APBB2: variants seen among roughly 807,000 people sequenced by gnomAD.
APBB2 encodes the protein amyloid beta precursor protein binding family B member 2, also known as Fe65-like 1.
In APBB2, 38 loss-of-function variants were observed where a neutral mutation model predicts 82.5. The observed-to-expected ratio is 0.46, with a 90% CI of 0.36 to 0.60. The LOEUF is 0.60. APBB2 is among the 20% of genes least tolerant of loss of function. APBB2 has a pLI of 0.00. For missense variants in APBB2, 772 were observed against 972.3 expected (o/e 0.79, Z 2.74); for synonymous variants, 341 against 368.2 (o/e 0.93, Z 0.85).
chr4:40,884,529 C>T (rs997953675), intron 12 of APBB2, among the ~76,000 whole-genome samples: 1 of 152,150 alleles, frequency 6.6e-6, no homozygotes. Flanking sequence ...GCTATCCCAG[C>T]ACTTTGGGAG....
At chr4:41,206,996 G>A (rs1009570371) in intron 1 of APBB2, among the ~76,000 whole-genome samples, 11 of 151,892 alleles carry the variant, frequency 7.2e-5, no homozygotes, top group Non-Finnish European at 1.6e-4. Context: ...TCAGGAGTTC[G>A]AGACCTGCTT....
chr4:41,045,972 T>A (rs2341850), intron 4 of APBB2, among the ~76,000 whole-genome samples: 4 of 151,442 alleles, frequency 2.6e-5, no homozygotes, highest in East Asian at 3.9e-4. Context: ...AAGTTTTTTT[T>A]AATAATGAGC....
At chr4:40,925,569 T>C (rs1284099340) in intron 10 of APBB2, among the ~76,000 whole-genome samples, 1 of 152,180 alleles carries the variant, frequency 6.6e-6, no homozygotes, top group African/African-American at 2.4e-5. Flanking sequence ...ACTCAATGAA[T>C]GAATCAACAG....
At chr4:41,045,571 T>C (rs1398487828) in intron 4 of APBB2, among the ~76,000 whole-genome samples, 1 of 152,140 alleles carries the variant, frequency 6.6e-6, no homozygotes, top group African/African-American at 2.4e-5. Context: ...GGATTACAGG[T>C]GTGAGCCACC....
rs574769110 is a variant in APBB2, at chr4:40,905,481, C to A, written c.1255-12070G>T. Among the ~76,000 whole-genome samples the A allele has an allele frequency of 2.0e-5, 3 of 152,316 alleles. No homozygotes were observed. The South Asian group carries it at 6.2e-4, about 32-fold the overall frequency. On this transcript the variant is annotated intron_variant, in intron 10 of 17. Coordinates refer to ENST00000508593, the MANE Select transcript of APBB2 (RefSeq NM_004307.2). ...ATATAAAACTTCCCTGATGTCAAGTCCTTAAATGAAAACGAAAGGATTCTT... is the reference window on the plus strand; with the variant it reads ...ATATAAAACTTCCCTGATGTCAAGTACTTAAATGAAAACGAAAGGATTCTT...
At position 41,060,495 on chromosome 4, in the gene APBB2, G is replaced by A. The variant is rs187631424; in HGVS notation, c.-51+5081C>T. On this transcript the variant is annotated intron_variant, in intron 4 of 17. Transcript: ENST00000508593. ...AGGCTCTGAGGATGGTTATTATCCA[G>A]TTCCACCCCTTAGCCCAAGATGACT... Among the ~76,000 whole-genome samples, 306 of 152,218 alleles carry A rather than the reference G, an allele frequency of 2.0e-3. 1 individual carries two copies. Among genetic ancestry groups the A allele is most frequent in the African/African-American group, 7.0e-3 (290 of 41,524 alleles).
At chr4:40,968,726 C>T (rs959090894) in intron 6 of APBB2, among the ~76,000 whole-genome samples, 1 of 152,172 alleles carries the variant, frequency 6.6e-6, no homozygotes. Context: ...GACACTAAAA[C>T]TTGTTCATTC....
At chr4:40,957,501 A>G (rs1791956496) in intron 6 of APBB2, among the ~76,000 whole-genome samples, 1 of 152,152 alleles carries the variant, frequency 6.6e-6, no homozygotes. Context: ...AGAAACAGAA[A>G]GGAAGTTAGA....
At chr4:40,960,446 G>T (rs1168942533) in intron 6 of APBB2, among the ~76,000 whole-genome samples, 12 of 120,544 alleles carry the variant, frequency 1.0e-4, no homozygotes, top group East Asian at 2.4e-4. Context: ...TTTTTTTTCG[G>T]GTTTTTTTTT....
Position 40,936,671 on chromosome 4 carries a change from A to G in APBB2, c.1045-1532T>C, listed in dbSNP as rs116408254. Reference sequence around the variant, plus strand: ...ATTTTCATTTTTGGTCTAGGCACCTAAACTGCAGCTTTTCAAAATAAAATG... The same window carrying G: ...ATTTTCATTTTTGGTCTAGGCACCTGAACTGCAGCTTTTCAAAATAAAATG... On this transcript the variant is annotated intron_variant, in intron 7 of 17. Transcript: ENST00000508593. Among the ~76,000 whole-genome samples, 300 of 152,332 alleles carry G rather than the reference A, an allele frequency of 2.0e-3. 2 individuals carry two copies. The highest frequency in any genetic ancestry group is 6.8e-3 in the African/African-American group (282 of 41,588).
chr4:40,974,239 C>G (rs1179851838), intron 6 of APBB2, among the ~76,000 whole-genome samples: 1 of 152,184 alleles, frequency 6.6e-6, no homozygotes, highest in Non-Finnish European at 1.5e-5. Context: ...TGCAATGACT[C>G]TCTTCCTACA....
chr4:40,934,727 T>C (rs1178673855), intron 8 of APBB2, 28 bp from the exon 9 acceptor site: 1 of 1,510,156 alleles, frequency 6.6e-7, no homozygotes, highest in Admixed American at 1.7e-5. Flanking sequence ...CTTGTTAATG[T>C]ACAATGGGGG....
chr4:41,166,670 C>A (rs1446760819), intron 1 of APBB2, among the ~76,000 whole-genome samples: 1 of 151,718 alleles, frequency 6.6e-6, no homozygotes, highest in Non-Finnish European at 1.5e-5. Flanking sequence ...CCGAGGCAGG[C>A]GGATCATTTA....
At chr4:40,906,117 C>G (rs771263762) in intron 10 of APBB2, among the ~76,000 whole-genome samples, 6 of 152,252 alleles carry the variant, frequency 3.9e-5, no homozygotes, top group Admixed American at 3.9e-4. Flanking sequence ...GAAATAATGT[C>G]TTCAGTGTAT....
intron 6 of APBB2, among the ~76,000 whole-genome samples, chr4:41,000,105 G>GTGTGTGTGTATA (rs10694468): frequency 1.7e-4 from 23 of 135,060 alleles, no homozygotes; most frequent in Non-Finnish European, 3.3e-4. Flanking sequence ...GTGTGTGTGT[G>GTGTGTGTGTATA]TATAAATTAG....
chr4:40,997,072 A>T (rs1160055438), intron 6 of APBB2, among the ~76,000 whole-genome samples: 1 of 152,078 alleles, frequency 6.6e-6, no homozygotes, highest in African/African-American at 2.4e-5. Context: ...ACCTATCATG[A>T]TTGCCTATCC....
chr4:41,114,679 T>C (rs979555550), intron 2 of APBB2, among the ~76,000 whole-genome samples: 5 of 151,960 alleles, frequency 3.3e-5, no homozygotes, highest in Non-Finnish European at 7.4e-5. Flanking sequence ...ACACCAATAA[T>C]AGACGAACAG....
intron 1 of APBB2, among the ~76,000 whole-genome samples, chr4:41,199,568 C>T (rs184457987): frequency 5.9e-5 from 9 of 152,272 alleles, no homozygotes; most frequent in African/African-American, 2.2e-4. Flanking sequence ...ATAAGAGCAA[C>T]CTATAATCAT....
chr4:40,897,655 C>T (rs1774042294), intron 10 of APBB2, among the ~76,000 whole-genome samples: 1 of 152,118 alleles, frequency 6.6e-6, no homozygotes, highest in Non-Finnish European at 1.5e-5. Context: ...GAGTTTCACC[C>T]CATTCCATGT....
Sources: gnomAD v4.1 joint callset for allele counts (sites outside exome capture counted in the v4.1 genomes callset) on GRCh38, gnomAD v4.1.1 for gene constraint, MANE v1.5 for transcripts, NCBI Gene and HGNC (gene_info 2026-07-23, HGNC 2026-07-21) for gene names.